LDB1: variants seen among roughly 807,000 people sequenced by gnomAD.
LDB1 encodes the protein LIM domain-binding protein 1.
A neutral mutation model predicts 49.7 loss-of-function variants in LDB1; 6 were observed. That is an observed-to-expected ratio of 0.12 (90% CI 0.07 to 0.24). LDB1 has a LOEUF of 0.24. Ranked by LOEUF, LDB1 falls within the 10% of genes least tolerant of loss-of-function variation. The probability of loss-of-function intolerance (pLI) is 1.00; values close to 1 mark genes in which losing one functional copy is unlikely to be tolerated. For synonymous variants in LDB1, 233 were observed against 202.0 expected (o/e 1.15, Z -1.30); for missense variants, 341 against 561.7 (o/e 0.61, Z 3.97).
intron 1 of LDB1, among the ~76,000 whole-genome samples, chr10:102,119,299 C>A (rs539937091): frequency 1.5e-5 from 2 of 133,882 alleles, no homozygotes; most frequent in Admixed American, 7.8e-5. Flanking sequence ...ACGCCCTCCG[C>A]CCCCCCCACC....
intron 1 of LDB1, among the ~76,000 whole-genome samples, chr10:102,111,823 C>A (rs1034400061): frequency 9.2e-5 from 14 of 152,118 alleles, no homozygotes; most frequent in Admixed American, 7.2e-4. Context: ...TGCACTCCAG[C>A]CTGGACAACA....
Position 102,111,484 on chromosome 10 carries a change from GC to G in LDB1, c.77del (p.Gly26AlafsTer79). On this transcript the variant is annotated frameshift_variant, in exon 2 of 11. Coordinates refer to ENST00000673968, the MANE Select transcript of LDB1 (RefSeq NM_001113407.3). LOFTEE classifies it high-confidence loss of function. ...CGGGATGGAAGGGGGGAAAGGCGTT[GC>G]CGTTCGGGGGCTCCTTCGGCGAGTA... The part of the protein sequence containing the change: ...KLYSPKEPPN[G>X]NAFPPFHPGT... The G allele has an allele frequency of 6.4e-7, 1 of 1,558,948 alleles. No homozygotes were observed. The highest frequency in any genetic ancestry group is 8.7e-7 in the Non-Finnish European group (1 of 1,152,040).
At chr10:102,114,812 GCC>G in intron 1 of LDB1, 145 of 929,466 alleles carry the variant, frequency 1.6e-4, no homozygotes, top group South Asian at 2.5e-4. Flanking sequence ...CCTCCGAGCA[GCC>G]CGCCCGCCCT....
chr10:102,116,405 G>A (rs952362092), intron 1 of LDB1, among the ~76,000 whole-genome samples: 1 of 152,034 alleles, frequency 6.6e-6, no homozygotes, highest in Non-Finnish European at 1.5e-5. Flanking sequence ...GGTCTCGAAC[G>A]CCTGACCTCA....
At chr10:102,115,825 T>G (rs2068329354) in intron 1 of LDB1, among the ~76,000 whole-genome samples, 1 of 152,078 alleles carries the variant, frequency 6.6e-6, no homozygotes, top group Non-Finnish European at 1.5e-5. Flanking sequence ...CCTAAGGTAA[T>G]TTTGTTGTAG....
upstream of LDB1, chr10:102,120,502 A>G: frequency 2.0e-6 from 1 of 493,780 alleles, no homozygotes; most frequent in Non-Finnish European, 2.6e-6. Context: ...CAAGCCGGGC[A>G]GGGCCGGGCT....
chr10:102,108,234 C>G lies in LDB1; in HGVS notation c.1095G>C (p.Gln365His). Residue 365 changes from glutamine (Q) to histidine (H), a missense_variant, in exon 11 of 11, where the codon CAG (glutamine) becomes CAC (histidine). This residue lies in a region of LDB1 where 46 missense variants were observed against 62.9 expected (regional missense o/e 0.73). Coordinates refer to ENST00000673968, the MANE Select transcript of LDB1 (RefSeq NM_001113407.3). The stretch of plus-strand genomic sequence containing the variant: ...CGTCAATGCCGTTGGCTGCGTCAAA[C>G]TGGGTGTTCTCCAGCCGGGTGATGA... ...ERLITRLENTQFDAANGIDDE... is the reference protein window; with the variant it reads ...ERLITRLENTHFDAANGIDDE... 2 of 1,614,112 alleles carry G rather than the reference C, an allele frequency of 1.2e-6. No homozygotes were observed. Among genetic ancestry groups the G allele is most frequent in the Non-Finnish European group, 1.7e-6 (2 of 1,179,984 alleles).
Position 102,111,130 on chromosome 10 carries a change from T to A in LDB1, c.188A>T (p.Tyr63Phe), listed in dbSNP as rs755881985. Residue 63 changes from tyrosine to phenylalanine, a missense_variant, in exon 4 of 11, where the codon TAT becomes TTT. Transcript: ENST00000673968. The part of the protein sequence containing the change: ...LEPGIGRHTP[Y>F]GNQTDYRIFE... ...TATTCTGTAGTCAGTTTGGTTGCCA[T>A]ATGGTGTGTGCCTCCTGGAGGAAGT... is the stretch of plus-strand genomic sequence containing the variant. 6.2e-7 allele frequency: 1 copy of A among 1,614,114 alleles called. No individual in the cohort carries two copies. Among genetic ancestry groups the A allele is most frequent in the Admixed American group, 1.7e-5 (1 of 60,020 alleles).
In LDB1 at chr10:102,107,818, G is replaced by A. The variant is rs1380116269; in HGVS notation, c.*275C>T. 5.8e-6 allele frequency: 3 copies of A among 514,422 alleles called. No individual in the cohort carries two copies. Among genetic ancestry groups the A allele is most frequent in the South Asian group, 2.3e-5 (1 of 43,218 alleles). 31.9% of individuals were successfully genotyped at this position (514,422 alleles called of 1,614,324 possible). On this transcript the variant is annotated 3_prime_UTR_variant, in exon 11 of 11. Transcript: ENST00000673968. ...AAGATGGAGGCAAATGCCCTGGGGG[G>A]TGGTCAGGACATGTCTCAGAGGCCC...
chr10:102,109,320 A>G lies in LDB1; in HGVS notation c.856+64T>C. 6.2e-7 allele frequency: 1 copy of G among 1,609,530 alleles called. No individual in the cohort carries two copies. Among genetic ancestry groups the G allele is most frequent in the East Asian group, 2.2e-5 (1 of 44,850 alleles). ...AAGGGGTGGGGAAAACTTCAAAAGG[A>G]AATAAAGATACAGCTTTGGGGAGCG... On this transcript the variant is annotated intron_variant, in intron 9 of 10. Transcript: ENST00000673968. This position sits in a 1 kb window ranked among gnomAD's most constrained non-coding sequence, Gnocchi z 5.8.
rs1222194501 is a variant in LDB1, at chr10:102,110,335, C to A, written c.525+194G>T. On this transcript the variant is annotated intron_variant, in intron 6 of 10. Transcript: ENST00000673968. ...GGCAGACTCTTGTTCACTCGTGTAGCCTTGGGGCCCAGAAAACTATCCCAT... is the reference window on the plus strand; with the variant it reads ...GGCAGACTCTTGTTCACTCGTGTAGACTTGGGGCCCAGAAAACTATCCCAT... The A allele has an allele frequency of 4.6e-6, 3 of 655,818 alleles. No individual in the cohort carries two copies. The Admixed American group carries it at 8.9e-5, about 19-fold the overall frequency. The allele number at this position is 655,818 out of a possible 1,614,324, so 40.6% of individuals were successfully genotyped here. A position where few individuals can be genotyped will look rare whatever the true frequency, so the allele number is the denominator to read the frequency against.
Position 102,111,459 on chromosome 10 carries a change from C to T in LDB1, c.103G>A (p.Gly35Ser), listed in dbSNP as rs777272483. 7.0e-6 allele frequency: 11 copies of T among 1,570,230 alleles called. No individual in the cohort carries two copies. In the Middle Eastern group the frequency reaches 6.8e-4, roughly 97 times the overall value. Residue 35 changes from glycine to serine, a missense_variant, in exon 2 of 11, where the codon GGC becomes AGC. Transcript: ENST00000673968. ...NGNAFPPFHPGTMLDRDVGPT... is the reference protein window; with the variant it reads ...NGNAFPPFHPSTMLDRDVGPT... ...CCCACATCCCTATCCAGCATGGTGC[C>T]GGGATGGAAGGGGGGAAAGGCGTTG...
chr10:102,105,736 T>C (rs1377499637), downstream of LDB1, among the ~76,000 whole-genome samples: 2 of 142,728 alleles, frequency 1.4e-5, no homozygotes, highest in African/African-American at 5.3e-5. Context: ...CCAAGGCGGG[T>C]GGATCACCTG....
chr10:102,112,779 G>A (rs1338891950), intron 1 of LDB1, among the ~76,000 whole-genome samples: 1 of 152,140 alleles, frequency 6.6e-6, no homozygotes, highest in Non-Finnish European at 1.5e-5. Flanking sequence ...CTCAGTCTAG[G>A]GGCAAGTGGT....
rs1416863300 is a variant in LDB1 at position 102,109,205 on chromosome 10, GGA to G, written c.857-30_857-29del. 6.2e-7 allele frequency: 1 copy of G among 1,612,382 alleles called. No individual in the cohort carries two copies. Among genetic ancestry groups the G allele is most frequent in the Non-Finnish European group, 8.5e-7 (1 of 1,179,838 alleles). The stretch of plus-strand genomic sequence containing the variant: ...GTGCCGGTAAACGGAGACTCAGATG[GGA>G]GAGGGCCCCAGGTCCCCTATTCTCC... On this transcript the variant is annotated intron_variant, in intron 9 of 10. Coordinates refer to ENST00000673968, the MANE Select transcript of LDB1 (RefSeq NM_001113407.3). The surrounding 1 kb of genome is among the most constrained non-coding windows in gnomAD (Gnocchi z 5.8).
chr10:102,113,206 A>C (rs1033813193), intron 1 of LDB1, among the ~76,000 whole-genome samples: 43 of 152,284 alleles, frequency 2.8e-4, no homozygotes, highest in African/African-American at 1.0e-3. Flanking sequence ...ATGCAGGCAA[A>C]AGGAGGGTCC....
chr10:102,119,595 G>A (rs573835867), intron 1 of LDB1, among the ~76,000 whole-genome samples: 141 of 152,068 alleles, frequency 9.3e-4, no homozygotes, highest in Admixed American at 3.7e-3. Flanking sequence ...AGTTGAAGGT[G>A]GGGGGCAAGA....
In LDB1 at chr10:102,110,020, G is replaced by A. The variant is rs1361936668; in HGVS notation, c.549C>T (p.Tyr183=). 6.2e-7 allele frequency: 1 copy of A among 1,613,324 alleles called. No homozygotes were observed. Among genetic ancestry groups the A allele is most frequent in the Admixed American group, 1.7e-5 (1 of 59,964 alleles). The change falls in exon 7 of 11, where the codon TAC becomes TAT. Residue 183 remains tyrosine, a synonymous_variant. Coordinates refer to ENST00000673968, the MANE Select transcript of LDB1 (RefSeq NM_001113407.3). The part of the protein sequence containing the change: ...FTQVCVEGRL[Y]LEFMFDDMMR... ...TCATGTCGTCAAACATGAACTCCAGGTACAACCGGCCCTCCACACACACCT... is the reference window on the plus strand; with the variant it reads ...TCATGTCGTCAAACATGAACTCCAGATACAACCGGCCCTCCACACACACCT...
At chr10:102,105,279 C>T (rs1392513126), downstream of LDB1, among the ~76,000 whole-genome samples, 3 of 152,118 alleles carry the variant, frequency 2.0e-5, no homozygotes, top group African/African-American at 7.2e-5. Context: ...GGTGCAATAG[C>T]ATTCCTTGGG....
Sources: gnomAD v4.1 joint callset for allele counts (sites outside exome capture counted in the v4.1 genomes callset) on GRCh38, gnomAD v4.1.1 for gene constraint, gnomAD v4.1.1 regional missense constraint, Gnocchi (gnomAD v3.1) non-coding constraint, MANE v1.5 for transcripts, NCBI Gene and HGNC (gene_info 2026-07-23, HGNC 2026-07-21) for gene names.